Variants in ADARB2 observed in about 807,000 individuals in gnomAD.
ADARB2 encodes the protein adenosine deaminase RNA specific B2 (inactive).
A neutral mutation model predicts 62.2 loss-of-function variants in ADARB2; 25 were observed. The ratio of observed to expected loss-of-function variants is 0.40; its 90% CI spans 0.29 to 0.56. ADARB2 has a LOEUF of 0.56. Among genes scored for constraint, ADARB2 ranks in the 20% least tolerant of loss-of-function variants. The pLI, the probability that ADARB2 is intolerant of heterozygous loss-of-function variation, is 0.43. For synonymous variants in ADARB2, 572 were observed against 500.8 expected (o/e 1.14, Z -1.90); for missense variants, 1,071 against 1,077.4 (o/e 0.99, Z 0.08).
At chr10:1,522,256 T>C (rs1386494264) in intron 1 of ADARB2, among the ~76,000 whole-genome samples, 1 of 152,088 alleles carries the variant, frequency 6.6e-6, no homozygotes, top group African/African-American at 2.4e-5. Flanking sequence ...GTAACAGAGG[T>C]TGTCTTCATA....
chr10:1,295,172 G>A (rs890924050), intron 3 of ADARB2, among the ~76,000 whole-genome samples: 4 of 152,214 alleles, frequency 2.6e-5, no homozygotes, highest in African/African-American at 9.6e-5. Context: ...CTGGTGCAGA[G>A]CTCGACATAT....
chr10:1,286,638 C>T (rs562808121), intron 3 of ADARB2, among the ~76,000 whole-genome samples: 1 of 152,310 alleles, frequency 6.6e-6, no homozygotes, highest in Admixed American at 6.5e-5. Context: ...CTTCCCCCAG[C>T]TGCATGACCA....
chr10:1,539,977 G>A (rs1313357137), intron 1 of ADARB2, among the ~76,000 whole-genome samples: 1 of 150,866 alleles, frequency 6.6e-6, no homozygotes, highest in Non-Finnish European at 1.5e-5. Context: ...TTTTTCTTTT[G>A]GTGGTTGACA....
rs1010463213 is a variant in ADARB2, at chr10:1,453,113, T to A, written c.101-73953A>T. On this transcript the variant is annotated intron_variant, in intron 1 of 9. Coordinates refer to ENST00000381312, the MANE Select transcript of ADARB2 (RefSeq NM_018702.4). ...TAGAATTTAATTCCACATCCTCTCT[T>A]CCCTCCCCCACGTCTGCAAAACGTG... Among the ~76,000 whole-genome samples the A allele has an allele frequency of 4.6e-5, 7 of 152,026 alleles. 1 individual carries two copies. Among genetic ancestry groups the A allele is most frequent in the Non-Finnish European group, 8.8e-5 (6 of 67,992 alleles).
chr10:1,548,319 C>T (rs933659520), intron 1 of ADARB2, among the ~76,000 whole-genome samples: 5 of 152,208 alleles, frequency 3.3e-5, no homozygotes, highest in South Asian at 2.1e-4. Flanking sequence ...CCCCTCCCTT[C>T]GCTGGTGACA....
At chr10:1,287,220 A>G (rs1429721505) in intron 3 of ADARB2, among the ~76,000 whole-genome samples, 1 of 152,190 alleles carries the variant, frequency 6.6e-6, no homozygotes, top group East Asian at 1.9e-4. Flanking sequence ...GTTGAATCAT[A>G]AGGAAATCAA....
At chr10:1,687,916 C>A (rs943139064) in intron 1 of ADARB2, among the ~76,000 whole-genome samples, 2 of 152,170 alleles carry the variant, frequency 1.3e-5, no homozygotes, top group African/African-American at 4.8e-5. Context: ...CAGTTCTAAA[C>A]GGAGCAGTTG....
chr10:1,419,576 A>G (rs1298225377), intron 1 of ADARB2, among the ~76,000 whole-genome samples: 1 of 152,250 alleles, frequency 6.6e-6, no homozygotes, highest in Non-Finnish European at 1.5e-5. Flanking sequence ...ACCGGTACCC[A>G]GAGGGACGGT....
chr10:1,629,839 G>A (rs886965834), intron 1 of ADARB2, among the ~76,000 whole-genome samples: 2 of 152,116 alleles, frequency 1.3e-5, no homozygotes, highest in African/African-American at 4.8e-5. Context: ...TGGCTGCTAA[G>A]TAAAACAGCA....
At chr10:1,326,840 G>GCACAGCGCCTCCCCACT (rs1831856264) in intron 3 of ADARB2, among the ~76,000 whole-genome samples, 1 of 22,342 alleles carries the variant, frequency 4.5e-5, no homozygotes, top group African/African-American at 1.4e-4. Context: ...GCCTCCCCAC[G>GCACAGCGCCTCCCCACT]GCCCAGCGCC....
At chr10:1,512,947 G>A (rs952018309) in intron 1 of ADARB2, among the ~76,000 whole-genome samples, 1 of 152,168 alleles carries the variant, frequency 6.6e-6, no homozygotes, top group Non-Finnish European at 1.5e-5. Context: ...TTACTTTAAA[G>A]TTCACCTGAC....
At chr10:1,422,960 G>C (rs576543108) in intron 1 of ADARB2, among the ~76,000 whole-genome samples, 1 of 152,150 alleles carries the variant, frequency 6.6e-6, no homozygotes, top group African/African-American at 2.4e-5. Context: ...GCACCCACCT[G>C]TCTGGTTCTT....
chr10:1,586,539 C>T (rs994968436), intron 1 of ADARB2, among the ~76,000 whole-genome samples: 2 of 152,234 alleles, frequency 1.3e-5, no homozygotes, highest in Non-Finnish European at 2.9e-5. Context: ...CAGGATCTCA[C>T]TTTCCTAAGT....
At chr10:1,491,575 C>T (rs995211930) in intron 1 of ADARB2, among the ~76,000 whole-genome samples, 5 of 152,098 alleles carry the variant, frequency 3.3e-5, no homozygotes, top group African/African-American at 1.2e-4. Context: ...GTCCCAAAAC[C>T]AACACACACT....
At chr10:1,503,745 TAGTA>T (rs1477830727) in intron 1 of ADARB2, among the ~76,000 whole-genome samples, 1 of 152,088 alleles carries the variant, frequency 6.6e-6, no homozygotes, top group East Asian at 1.9e-4. Context: ...GACCTCGTGA[TAGTA>T]AGTGAGCTCT....
chr10:1,691,837 C>T (rs1834676601), intron 1 of ADARB2, among the ~76,000 whole-genome samples: 1 of 152,194 alleles, frequency 6.6e-6, no homozygotes, highest in Non-Finnish European at 1.5e-5. Flanking sequence ...CCAGATAGGG[C>T]AGCTGTTGCT....
intron 1 of ADARB2, among the ~76,000 whole-genome samples, chr10:1,474,001 C>T (rs11250555): frequency 0.024 from 132 of 5,590 alleles, no homozygotes; most frequent in South Asian, 0.076. Context: ...CCCCGGATCA[C>T]GGGGGAGCCC....
chr10:1,535,056 A>C (rs1423424468), intron 1 of ADARB2: 1 of 166,998 alleles, frequency 6.0e-6, no homozygotes, highest in Non-Finnish European at 1.5e-5. Flanking sequence ...ATGAGCTAGG[A>C]CGAGGCAACA....
chr10:1,345,989 C>T (rs948755717), intron 3 of ADARB2, among the ~76,000 whole-genome samples: 5 of 152,054 alleles, frequency 3.3e-5, no homozygotes, highest in Admixed American at 6.6e-5. Flanking sequence ...GAGAGACTGC[C>T]GGCAGAGGAT....
Sources: gnomAD v4.1 joint callset for allele counts (sites outside exome capture counted in the v4.1 genomes callset) on GRCh38, gnomAD v4.1.1 for gene constraint, MANE v1.5 for transcripts, NCBI Gene and HGNC (gene_info 2026-07-23, HGNC 2026-07-21) for gene names.